SGK1: variants seen among roughly 807,000 people sequenced by gnomAD.
SGK1 encodes serine/threonine-protein kinase Sgk1.
Under a neutral mutation model 64.2 loss-of-function variants are expected in SGK1, and 26 were observed. The observed-to-expected ratio is 0.40, with a 90% CI of 0.30 to 0.56. The LOEUF is 0.56. Ranked by LOEUF, SGK1 falls within the 20% of genes least tolerant of loss-of-function variation. SGK1 has a pLI of 0.38. For synonymous variants in SGK1, 265 were observed against 239.7 expected, an observed-to-expected ratio of 1.11 and a Z score of -0.98; for missense variants, 519 against 645.6, an observed-to-expected ratio of 0.80 and a Z score of 2.12.
intron 1 of SGK1, among the ~76,000 whole-genome samples, chr6:134,262,459 AG>A (rs1461676159): frequency 1.3e-5 from 2 of 150,932 alleles, no homozygotes; most frequent in African/African-American, 4.9e-5. Context: ...TTTTAGAGAT[AG>A]GGGGGTTTCA....
Position 134,174,600 on chromosome 6 carries a change from A to G in SGK1, c.362-14T>C, listed in dbSNP as rs573582471. ...GCTTCATGAAAGCTGTGGATGAAGGAGGAGAAATAAAGAAACGTTTAGACG... is the reference window on the plus strand; with the variant it reads ...GCTTCATGAAAGCTGTGGATGAAGGGGGAGAAATAAAGAAACGTTTAGACG... On this transcript the variant is annotated splice_polypyrimidine_tract_variant and intron_variant, in intron 3 of 13. Transcript: ENST00000367858. The G allele has an allele frequency of 6.2e-7, 1 of 1,612,650 alleles. No individual in the cohort carries two copies. The highest frequency in any genetic ancestry group is 1.1e-5 in the South Asian group (1 of 91,060).
At position 134,232,425 on chromosome 6, in the gene SGK1, A is replaced by AAGAGAGAGAGAGAG. The variant is rs71003683; in HGVS notation, c.286-24995_286-24994insCTCTCTCTCTCTCT. 7.8e-3 allele frequency among the ~76,000 whole-genome samples: 326 copies of AAGAGAGAGAGAGAG among 41,984 alleles called. 22 individuals are homozygous for AAGAGAGAGAGAGAG. Among genetic ancestry groups the AAGAGAGAGAGAGAG allele is most frequent in the African/African-American group, 0.019 (209 of 11,026 alleles). The allele number at this position is 41,984 out of a possible 152,430, so 27.5% of individuals were successfully genotyped here. A position where few individuals can be genotyped will look rare whatever the true frequency, so the allele number is the denominator to read the frequency against. ...AAAAAGAAAGAAAGAGAAAGAAAGA[A>AAGAGAGAGAGAGAG]AGAAAGAAAGAAAGAAAGAAAGAAA... On this transcript the variant is annotated intron_variant, in intron 2 of 13. Transcript: ENST00000367858.
intron 2 of SGK1, among the ~76,000 whole-genome samples, chr6:134,232,921 G>A (rs1282355126): frequency 6.6e-6 from 1 of 151,514 alleles, no homozygotes; most frequent in Non-Finnish European, 1.5e-5. Context: ...AATGTTTATT[G>A]TGTTCATGTA....
At chr6:134,251,675 G>A (rs962611282) in intron 2 of SGK1, among the ~76,000 whole-genome samples, 2 of 152,134 alleles carry the variant, frequency 1.3e-5, no homozygotes, top group African/African-American at 4.8e-5. Context: ...AGTGAGCTAC[G>A]AGTGCAGCCA....
intron 1 of SGK1, among the ~76,000 whole-genome samples, chr6:134,295,565 A>G (rs1245950190): frequency 6.6e-6 from 1 of 152,166 alleles, no homozygotes; most frequent in East Asian, 1.9e-4. Flanking sequence ...TTAGCTGGGC[A>G]TGGTGGTGCG....
chr6:134,264,424 C>T (rs1402251945), intron 1 of SGK1, among the ~76,000 whole-genome samples: 2 of 152,086 alleles, frequency 1.3e-5, no homozygotes, highest in Middle Eastern at 3.4e-3. Context: ...TGGCCATGAG[C>T]ATGCAATTTT....
At chr6:134,177,546 A>T in intron 3 of SGK1, 1 of 796,228 alleles carries the variant, frequency 1.3e-6, no homozygotes, top group Non-Finnish European at 2.0e-6. Flanking sequence ...CAAACATTAA[A>T]TTAAGAAACC....
chr6:134,170,015 G>A lies in SGK1; in HGVS notation c.*253C>T, dbSNP rs901371834. On this transcript the variant is annotated 3_prime_UTR_variant, in exon 14 of 14. Transcript: ENST00000367858. ...CGAAACTCCTGCCTCCGTCTAAGGC[G>A]GCACTCTAACGCTCGTTTCAGAGAT... 4 of 289,032 alleles carry A rather than the reference G, an allele frequency of 1.4e-5. No homozygotes were observed. The highest frequency in any genetic ancestry group is 1.2e-4 in the East Asian group (2 of 17,166). 17.9% of individuals were successfully genotyped at this position (289,032 alleles called of 1,614,324 possible). A position where few individuals can be genotyped will look rare whatever the true frequency, so the allele number is the denominator to read the frequency against.
intron 1 of SGK1, among the ~76,000 whole-genome samples, chr6:134,298,970 T>G (rs905734689): frequency 1.3e-5 from 2 of 151,830 alleles, no homozygotes; most frequent in Admixed American, 1.3e-4. Flanking sequence ...CCAGCTAATT[T>G]TTGTATTTTT....
At chr6:134,259,179 T>G (rs958083515) in intron 2 of SGK1, among the ~76,000 whole-genome samples, 1 of 152,332 alleles carries the variant, frequency 6.6e-6, no homozygotes, top group African/African-American at 2.4e-5. Flanking sequence ...TGTTTCCTTT[T>G]GTGTGGAATT....
intron 2 of SGK1, among the ~76,000 whole-genome samples, chr6:134,212,801 C>T (rs1015364805): frequency 2.0e-5 from 3 of 152,162 alleles, no homozygotes; most frequent in African/African-American, 7.2e-5. Flanking sequence ...TGATTTTCTA[C>T]AGTAACTATA....
intron 1 of SGK1, chr6:134,298,226 TCTC>T: frequency 6.4e-7 from 1 of 1,570,514 alleles, no homozygotes; most frequent in Non-Finnish European, 8.7e-7. Context: ...AGCTTCAGCT[TCTC>T]CTGGCCCCGA....
chr6:134,306,207 G>A (rs183936057), intron 1 of SGK1, among the ~76,000 whole-genome samples: 4 of 152,280 alleles, frequency 2.6e-5, no homozygotes, highest in African/African-American at 7.2e-5. Context: ...TGGATCACCT[G>A]AGGTCAAGAG....
In SGK1 at chr6:134,211,440, G is replaced by A. The variant is rs77834510; in HGVS notation, c.286-4009C>T. The A allele has an allele frequency of 4.9e-3, 752 of 154,370 alleles. 9 individuals carry two copies. The highest frequency in any genetic ancestry group is 0.017 in the African/African-American group (708 of 41,684). 9.6% of individuals were successfully genotyped at this position (154,370 alleles called of 1,614,324 possible). ...CTCATTGAAATCCTGAAAGCAAGAT[G>A]CATCAATAGCAGCTCTACAAGAGCC... is the stretch of plus-strand genomic sequence containing the variant. On this transcript the variant is annotated intron_variant, in intron 2 of 13. Coordinates refer to ENST00000367858, the MANE Select transcript of SGK1 (RefSeq NM_001143676.3).
In SGK1 at chr6:134,174,010, G is replaced by A; in HGVS notation, c.508C>T (p.Pro170Ser). 1 of 1,611,734 alleles carries A rather than the reference G, an allele frequency of 6.2e-7. No homozygotes were observed. Among genetic ancestry groups the A allele is most frequent in the Non-Finnish European group, 8.5e-7 (1 of 1,178,444 alleles). The change falls in exon 5 of 14, where the codon CCT becomes TCT. Residue 170 changes from proline to serine, a missense_variant. Transcript: ENST00000367858. ...EPELMNANPS[P>S]PPSPSQQINL... ...CGGCACATACAAAAACTTACTGGAG[G>A]AGAAGGGTTGGCATTCATAAGCTCA...
At chr6:134,252,355 G>A (rs1427069528) in intron 2 of SGK1, among the ~76,000 whole-genome samples, 1 of 152,162 alleles carries the variant, frequency 6.6e-6, no homozygotes, top group Non-Finnish European at 1.5e-5. Context: ...CTCACACAAT[G>A]TGCGCGTTGC....
At chr6:134,254,103 C>A (rs1776644966) in intron 2 of SGK1, among the ~76,000 whole-genome samples, 1 of 143,808 alleles carries the variant, frequency 7.0e-6, no homozygotes, top group Admixed American at 7.1e-5. Flanking sequence ...CCTTTTCTGT[C>A]CTAGTCTCTC....
rs1202468827 is a variant in SGK1, at chr6:134,233,554, G to A, written c.286-26123C>T. ...GACCAATACTGAATATGCCAGACAC[G>A]GTTATCTTCAGCTACCATTTTGAAG... is the stretch of plus-strand genomic sequence containing the variant. On this transcript the variant is annotated intron_variant, in intron 2 of 13. Coordinates refer to ENST00000367858, the MANE Select transcript of SGK1 (RefSeq NM_001143676.3). Among the ~76,000 whole-genome samples the A allele has an allele frequency of 2.6e-5, 4 of 152,118 alleles. No individual in the cohort carries two copies. The South Asian group carries it at 6.2e-4, about 24-fold the overall frequency.
intron 2 of SGK1, among the ~76,000 whole-genome samples, chr6:134,242,171 G>A (rs1404987562): frequency 6.6e-6 from 1 of 152,082 alleles, no homozygotes; most frequent in Non-Finnish European, 1.5e-5. Context: ...AGGGAAGAAA[G>A]GGAGCAACTA....
Sources: allele counts gnomAD v4.1 joint callset (sites outside exome capture counted in the v4.1 genomes callset), GRCh38; gene constraint gnomAD v4.1.1; transcripts MANE v1.5; gene names NCBI Gene and HGNC (gene_info 2026-07-23, HGNC 2026-07-21).